Variants in STIM1 observed in about 807,000 individuals in gnomAD.
STIM1 encodes stromal interaction molecule 1.
Under a neutral mutation model 74.7 loss-of-function variants are expected in STIM1, and 25 were observed. The observed-to-expected ratio is 0.33, with a 90% CI of 0.24 to 0.47. The LOEUF is 0.47. Ranked by LOEUF, STIM1 falls within the 20% of genes least tolerant of loss-of-function variation. The pLI is 1.00. For synonymous variants in STIM1, 328 were observed against 348.8 expected (o/e 0.94, Z 0.66); for missense variants, 728 against 920.8 (o/e 0.79, Z 2.71).
At position 4,075,740 on chromosome 11, in the gene STIM1, A is replaced by G. The variant is rs946360755; in HGVS notation, c.969+1061A>G. Among the ~76,000 whole-genome samples, 3 of 152,178 alleles carry G rather than the reference A, an allele frequency of 2.0e-5. No homozygotes were observed. The East Asian group carries it at 5.8e-4, about 29-fold the overall frequency. ...ATAAGCCCTCATTTCTGTTGGACAT[A>G]TAATATTCATGTATTTAGCTTTATT... On this transcript the variant is annotated intron_variant, in intron 7 of 12. Transcript: ENST00000526596.
chr11:3,971,922 T>C (rs1358769141), intron 2 of STIM1, among the ~76,000 whole-genome samples: 2 of 152,204 alleles, frequency 1.3e-5, no homozygotes, highest in South Asian at 2.1e-4. Context: ...AATATAGATA[T>C]TCAAGTAGAA....
At chr11:3,919,049 G>C (rs1410833870) in intron 1 of STIM1, among the ~76,000 whole-genome samples, 1 of 152,144 alleles carries the variant, frequency 6.6e-6, no homozygotes, top group African/African-American at 2.4e-5. Flanking sequence ...TTAAATATTT[G>C]CTTGAGGTGG....
intron 1 of STIM1, among the ~76,000 whole-genome samples, chr11:3,893,419 A>G (rs1272152561): frequency 1.3e-5 from 2 of 152,232 alleles, no homozygotes; most frequent in South Asian, 2.1e-4. Flanking sequence ...TTGTGTGAAC[A>G]CTAGTTTGCT....
chr11:3,969,059 G>C (rs531817187), intron 2 of STIM1, among the ~76,000 whole-genome samples: 3 of 152,258 alleles, frequency 2.0e-5, no homozygotes, highest in Admixed American at 6.5e-5. Flanking sequence ...AAAGTAAAGT[G>C]GGGAAAGTAA....
At chr11:3,864,989 G>A (rs2090797884) in intron 1 of STIM1, among the ~76,000 whole-genome samples, 1 of 152,084 alleles carries the variant, frequency 6.6e-6, no homozygotes. Context: ...TTTATCCTAG[G>A]CTGCAGTCCT....
At chr11:3,923,374 T>A (rs1304609328) in intron 1 of STIM1, among the ~76,000 whole-genome samples, 1 of 152,010 alleles carries the variant, frequency 6.6e-6, no homozygotes, top group Non-Finnish European at 1.5e-5. Flanking sequence ...TATGGGAGGT[T>A]GAAGCAGGTG....
upstream of STIM1, chr11:3,855,627 C>T (rs1265372378): frequency 2.8e-5 from 4 of 144,980 alleles, no homozygotes; most frequent in Non-Finnish European, 4.6e-5. Context: ...ACGCCCCCGC[C>T]CGCCCCGGGC....
chr11:3,937,096 G>A (rs2092941639), intron 1 of STIM1, among the ~76,000 whole-genome samples: 1 of 151,916 alleles, frequency 6.6e-6, no homozygotes, highest in Non-Finnish European at 1.5e-5. Flanking sequence ...TTGAAGACCA[G>A]CCTGGGTGAC....
At chr11:3,938,674 C>T (rs1424550320) in intron 1 of STIM1, among the ~76,000 whole-genome samples, 1 of 152,086 alleles carries the variant, frequency 6.6e-6, no homozygotes, top group Non-Finnish European at 1.5e-5. Flanking sequence ...TGGAGAAGCC[C>T]TGTCTCTACT....
intron 1 of STIM1, among the ~76,000 whole-genome samples, chr11:3,950,090 T>C (rs1327150785): frequency 6.6e-6 from 1 of 152,120 alleles, no homozygotes; most frequent in Non-Finnish European, 1.5e-5. Flanking sequence ...CTCAGTTCAG[T>C]TCCTTGGAAA....
intron 11 of STIM1, among the ~76,000 whole-genome samples, chr11:4,085,132 C>G (rs1210038849): frequency 6.7e-6 from 1 of 149,958 alleles, no homozygotes; most frequent in Non-Finnish European, 1.5e-5. Flanking sequence ...CCCCTTCTTT[C>G]TCCCCCTTCC....
intron 6 of STIM1, among the ~76,000 whole-genome samples, chr11:4,072,678 A>C (rs2094411165): frequency 6.6e-6 from 1 of 152,232 alleles, no homozygotes; most frequent in Non-Finnish European, 1.5e-5. Flanking sequence ...TATTATTATA[A>C]AGGACAGACA....
At chr11:3,867,774 G>A (rs2090913141) in intron 1 of STIM1, among the ~76,000 whole-genome samples, 1 of 152,210 alleles carries the variant, frequency 6.6e-6, no homozygotes, top group Non-Finnish European at 1.5e-5. Context: ...TCCTCGGTTG[G>A]CCATATACAC....
intron 1 of STIM1, among the ~76,000 whole-genome samples, chr11:3,936,776 C>T (rs1329104853): frequency 6.6e-6 from 1 of 152,060 alleles, no homozygotes; most frequent in Non-Finnish European, 1.5e-5. Flanking sequence ...TTGAAGGAGC[C>T]AAGACTGGAT....
At chr11:3,863,387 G>A (rs1375428379) in intron 1 of STIM1, among the ~76,000 whole-genome samples, 1 of 151,844 alleles carries the variant, frequency 6.6e-6, no homozygotes, top group Non-Finnish European at 1.5e-5. Flanking sequence ...CTCCCAAGTA[G>A]CTGGGACTGC....
chr11:4,040,506 G>A (rs2094139779), intron 3 of STIM1, among the ~76,000 whole-genome samples: 1 of 152,142 alleles, frequency 6.6e-6, no homozygotes. Flanking sequence ...GTCTTCTTCT[G>A]TGTTCCCACA....
At chr11:4,035,498 G>C (rs1214809643) in intron 3 of STIM1, among the ~76,000 whole-genome samples, 1 of 151,344 alleles carries the variant, frequency 6.6e-6, no homozygotes, top group African/African-American at 2.4e-5. Flanking sequence ...ATCCGTTATT[G>C]GTTTATCATT....
intron 6 of STIM1, among the ~76,000 whole-genome samples, chr11:4,073,686 G>C (rs2094419913): frequency 6.6e-6 from 1 of 152,206 alleles, no homozygotes; most frequent in African/African-American, 2.4e-5. Context: ...TGTTTAGCTG[G>C]ATGGAAGGTT....
chr11:3,968,756 A>C (rs2093363688), intron 2 of STIM1, among the ~76,000 whole-genome samples: 1 of 152,228 alleles, frequency 6.6e-6, no homozygotes, highest in African/African-American at 2.4e-5. Flanking sequence ...AATACATAAG[A>C]AGTAAATCAA....
Sources: allele counts gnomAD v4.1 joint callset (sites outside exome capture counted in the v4.1 genomes callset), GRCh38; gene constraint gnomAD v4.1.1; transcripts MANE v1.5; gene names NCBI Gene and HGNC (gene_info 2026-07-23, HGNC 2026-07-21).